Variants in ENOX1 observed in about 807,000 individuals in gnomAD.
ENOX1 encodes the protein candidate growth-related and time keeping constitutive hydroquinone (NADH) oxidase.
In ENOX1, 42 loss-of-function variants were observed where a neutral mutation model predicts 82.5. The observed-to-expected ratio is 0.51, with a 90% CI of 0.40 to 0.66. ENOX1 has a LOEUF of 0.66. Among genes scored for constraint, ENOX1 ranks in the 30% least tolerant of loss-of-function variants. The pLI is 0.00. For missense variants in ENOX1, 608 were observed against 811.6 expected, an observed-to-expected ratio of 0.75 and a Z score of 3.05; for synonymous variants, 271 against 282.2, an observed-to-expected ratio of 0.96 and a Z score of 0.40.
At chr13:43,525,989 T>C (rs1451075671) in intron 2 of ENOX1, among the ~76,000 whole-genome samples, 1 of 152,162 alleles carries the variant, frequency 6.6e-6, no homozygotes, top group Admixed American at 6.6e-5. Flanking sequence ...AATCTATCCA[T>C]AACGGTTTCT....
At chr13:43,228,564 C>A (rs549459512) in intron 15 of ENOX1, among the ~76,000 whole-genome samples, 1 of 152,272 alleles carries the variant, frequency 6.6e-6, no homozygotes, top group Non-Finnish European at 1.5e-5. Flanking sequence ...AATTGGCTAC[C>A]CAAAAGCACT....
At chr13:43,398,231 A>G (rs1266710055) in intron 5 of ENOX1, among the ~76,000 whole-genome samples, 1 of 152,238 alleles carries the variant, frequency 6.6e-6, no homozygotes, top group South Asian at 2.1e-4. Flanking sequence ...ATATGCAACT[A>G]TGTTTTAGGT....
intron 2 of ENOX1, among the ~76,000 whole-genome samples, chr13:43,552,245 T>C (rs561533784): frequency 1.6e-4 from 25 of 152,130 alleles, no homozygotes; most frequent in African/African-American, 5.5e-4. Context: ...CACCCATCAA[T>C]TGATTTTTGA....
chr13:43,227,006 C>T (rs1393251927), intron 15 of ENOX1, among the ~76,000 whole-genome samples: 1 of 150,638 alleles, frequency 6.6e-6, no homozygotes, highest in Non-Finnish European at 1.5e-5. Context: ...TAATATTCCC[C>T]CTGGCCAGAG....
At chr13:43,697,974 G>C (rs1056575477) in intron 1 of ENOX1, among the ~76,000 whole-genome samples, 1 of 152,212 alleles carries the variant, frequency 6.6e-6, no homozygotes, top group Non-Finnish European at 1.5e-5. Flanking sequence ...GGAAAGGATA[G>C]GGCCTTGCAG....
chr13:43,633,932 ATGAG>A (rs2083317262), intron 2 of ENOX1, among the ~76,000 whole-genome samples: 2 of 152,172 alleles, frequency 1.3e-5, no homozygotes, highest in Admixed American at 6.5e-5. Context: ...TAATCTTATA[ATGAG>A]TAAGTGAAAA....
intron 3 of ENOX1, among the ~76,000 whole-genome samples, chr13:43,470,206 G>GTA (rs375850161): frequency 9.3e-5 from 7 of 75,598 alleles, no homozygotes; most frequent in South Asian, 4.8e-4. Context: ...ATATATATGT[G>GTA]TATATATATA....
In ENOX1 at chr13:43,478,553, C is replaced by T. The variant is rs577118941; in HGVS notation, c.-75+5456G>A. 3.9e-5 allele frequency among the ~76,000 whole-genome samples: 6 copies of T among 152,152 alleles called. No individual in the cohort carries two copies. In the East Asian group the frequency reaches 1.2e-3, roughly 29 times the overall value. On this transcript the variant is annotated intron_variant, in intron 3 of 16. Transcript: ENST00000690772. Reference sequence around the variant, plus strand: ...TTAAATAACACAACATAATGAAAGTCTTTTGATATTATTTTTTCTATTCCC... The same window carrying T: ...TTAAATAACACAACATAATGAAAGTTTTTTGATATTATTTTTTCTATTCCC...
chr13:43,247,847 A>T (rs187984270), intron 14 of ENOX1, among the ~76,000 whole-genome samples: 2 of 3,650 alleles, frequency 5.5e-4, no homozygotes, highest in Non-Finnish European at 4.1e-4. Flanking sequence ...ATATATATAT[A>T]TATATATATA....
chr13:43,489,942 TTTTAC>T (rs2076563362), intron 2 of ENOX1, among the ~76,000 whole-genome samples: 1 of 152,170 alleles, frequency 6.6e-6, no homozygotes, highest in Non-Finnish European at 1.5e-5. Context: ...CATCATTGTA[TTTTAC>T]TTTATTTTTG....
At chr13:43,486,427 C>T (rs985290357) in intron 2 of ENOX1, among the ~76,000 whole-genome samples, 1 of 151,896 alleles carries the variant, frequency 6.6e-6, no homozygotes, top group Non-Finnish European at 1.5e-5. Flanking sequence ...AAACCAACAA[C>T]CAAATTTTCA....
intron 3 of ENOX1, among the ~76,000 whole-genome samples, chr13:43,461,856 G>A (rs1422180212): frequency 1.3e-5 from 2 of 152,204 alleles, no homozygotes; most frequent in Non-Finnish European, 1.5e-5. Flanking sequence ...ACCAACTGCT[G>A]AGCAAGGAAA....
intron 1 of ENOX1, among the ~76,000 whole-genome samples, chr13:43,705,305 ACTCTCTCTCTCT>A (rs33978402): frequency 7.5e-6 from 1 of 132,652 alleles, no homozygotes; most frequent in African/African-American, 2.8e-5. Context: ...ACAAACAACA[ACTCTCTCTCTCT>A]CTCTCTCTCT....
chr13:43,678,106 A>C (rs1191245444), intron 1 of ENOX1, among the ~76,000 whole-genome samples: 2 of 152,192 alleles, frequency 1.3e-5, no homozygotes, highest in African/African-American at 4.8e-5. Flanking sequence ...TGAATGGGGA[A>C]GCTACCATCC....
intron 2 of ENOX1, among the ~76,000 whole-genome samples, chr13:43,590,897 A>G (rs1294004592): frequency 6.6e-6 from 1 of 152,228 alleles, no homozygotes; most frequent in Non-Finnish European, 1.5e-5. Flanking sequence ...GGTCAAAAAA[A>G]AGTATGAGAA....
intron 11 of ENOX1, among the ~76,000 whole-genome samples, chr13:43,308,588 G>A (rs2047001874): frequency 6.6e-6 from 1 of 152,178 alleles, no homozygotes; most frequent in Non-Finnish European, 1.5e-5. Context: ...TGCAAGTGCT[G>A]AGGTGCCAGT....
intron 2 of ENOX1, among the ~76,000 whole-genome samples, chr13:43,554,217 C>T (rs74827389): frequency 0.014 from 2,086 of 152,024 alleles, 45 homozygotes; most frequent in African/African-American, 0.048. Flanking sequence ...ATATGGAATG[C>T]GAAAGGCAGG....
intron 2 of ENOX1, among the ~76,000 whole-genome samples, chr13:43,521,950 A>C (rs941201325): frequency 1.3e-5 from 2 of 152,156 alleles, no homozygotes; most frequent in Non-Finnish European, 2.9e-5. Context: ...GACACTGCAG[A>C]AACTGTATAG....
At chr13:43,410,538 T>A (rs954207432) in intron 5 of ENOX1, among the ~76,000 whole-genome samples, 1 of 151,868 alleles carries the variant, frequency 6.6e-6, no homozygotes. Context: ...TGGTCTCTTA[T>A]CCATTTTCAT....
Sources: gnomAD v4.1 joint callset for allele counts (sites outside exome capture counted in the v4.1 genomes callset) on GRCh38, gnomAD v4.1.1 for gene constraint, MANE v1.5 for transcripts, NCBI Gene and HGNC (gene_info 2026-07-23, HGNC 2026-07-21) for gene names.